Variants in TRAPPC12 observed in about 807,000 individuals in gnomAD.
The protein encoded by TRAPPC12 is TPR repeat protein 15.
Under a neutral mutation model 69.2 loss-of-function variants are expected in TRAPPC12, and 61 were observed. The ratio of observed to expected loss-of-function variants is 0.88; its 90% CI spans 0.72 to 1.09. The LOEUF (loss-of-function observed/expected upper bound fraction) is 1.09, where lower values mean the gene tolerates loss of function less well. Ranked by LOEUF, TRAPPC12 falls within the 50% of genes least tolerant of loss-of-function variation. The pLI, the probability that TRAPPC12 is intolerant of heterozygous loss-of-function variation, is 0.00. For missense variants in TRAPPC12, 1,101 were observed against 1,016.4 expected (o/e 1.08, Z -1.13); for synonymous variants, 469 against 438.9 (o/e 1.07, Z -0.86).
intron 2 of TRAPPC12, among the ~76,000 whole-genome samples, chr2:3,395,321 A>T (rs375856846): frequency 6.6e-6 from 1 of 152,278 alleles, no homozygotes; most frequent in East Asian, 1.9e-4. Context: ...CGTTTTCTCC[A>T]TCTTTCAAAC....
At position 3,465,582 on chromosome 2, in the gene TRAPPC12, T is replaced by A. The variant is rs1255406764; in HGVS notation, c.1678-15T>A. 6.2e-7 allele frequency: 1 copy of A among 1,604,486 alleles called. No homozygotes were observed. Among genetic ancestry groups the A allele is most frequent in the Non-Finnish European group, 8.5e-7 (1 of 1,171,444 alleles). On this transcript the variant is annotated splice_polypyrimidine_tract_variant and intron_variant, in intron 8 of 11. Coordinates refer to ENST00000324266, the MANE Select transcript of TRAPPC12 (RefSeq NM_016030.6). ...GTTCTCAGCTCTAAAGTACGTTGGGTTTTTCTTCCCACAGGATTATGTGCT... is the reference window on the plus strand; with the variant it reads ...GTTCTCAGCTCTAAAGTACGTTGGGATTTTCTTCCCACAGGATTATGTGCT...
intron 8 of TRAPPC12, among the ~76,000 whole-genome samples, chr2:3,465,067 G>T: frequency 6.6e-6 from 1 of 151,626 alleles, no homozygotes; most frequent in East Asian, 1.9e-4. Flanking sequence ...CACGCACTCT[G>T]CAAGGCCGAC....
Position 3,457,692 on chromosome 2 carries a change from A to G in TRAPPC12, c.1602A>G (p.Gln534=), listed in dbSNP as rs1388754830. The G allele has an allele frequency of 6.2e-7, 1 of 1,610,096 alleles. No homozygotes were observed. The highest frequency in any genetic ancestry group is 8.5e-7 in the Non-Finnish European group (1 of 1,179,934). ...GCAGCGTGACTCAGGAGGGCAGACA[A>G]GGTGGGTCGGCCGGACTTTGCTGAC... The part of the protein sequence containing the change: ...GMSSVTQEGR[Q]ASIRLWRSRL... Residue 534 remains glutamine, a splice_region_variant and synonymous_variant, in exon 7 of 12, where the codon CAA becomes CAG. Coordinates refer to ENST00000324266, the MANE Select transcript of TRAPPC12 (RefSeq NM_016030.6).
At chr2:3,382,403 G>A (rs186817449) in intron 1 of TRAPPC12, among the ~76,000 whole-genome samples, 3 of 152,162 alleles carry the variant, frequency 2.0e-5, no homozygotes, top group Non-Finnish European at 4.4e-5. Flanking sequence ...AAAGTGCTAG[G>A]ATTACAGATG....
intron 9 of TRAPPC12, among the ~76,000 whole-genome samples, chr2:3,468,784 G>A (rs77463888): frequency 4.2e-5 from 5 of 117,880 alleles, no homozygotes; most frequent in Non-Finnish European, 7.8e-5. Context: ...GCACGTATCC[G>A]GACACTCACA....
At chr2:3,470,762 G>C (rs1012325178) in intron 9 of TRAPPC12, among the ~76,000 whole-genome samples, 1 of 152,040 alleles carries the variant, frequency 6.6e-6, no homozygotes, top group Admixed American at 6.6e-5. Context: ...TAATCAAAAA[G>C]GAAGTATTTT....
At chr2:3,462,713 C>G (rs558490022) in intron 8 of TRAPPC12, 1 of 310,774 alleles carries the variant, frequency 3.2e-6, no homozygotes, top group East Asian at 9.1e-5. Context: ...TTAAATACTT[C>G]TTCCTCTCCT....
At chr2:3,383,523 C>T (rs1048795148) in intron 1 of TRAPPC12, among the ~76,000 whole-genome samples, 6 of 151,732 alleles carry the variant, frequency 4.0e-5, no homozygotes, top group East Asian at 3.9e-4. Flanking sequence ...CTCAGCCTCC[C>T]GAGTAGCAGA....
Position 3,424,628 on chromosome 2 carries a change from A to G in TRAPPC12, c.1382A>G (p.Tyr461Cys). The part of the protein sequence containing the change: ...FGNLDQPDLY[Y>C]EYYPHVYPGR... ...AATCTTGATCAGCCAGATCTTTATT[A>G]CGAGTACTACCCGCACGTGTACCCT... is the stretch of plus-strand genomic sequence containing the variant. Residue 461 changes from tyrosine (Y) to cysteine (C), a missense_variant, in exon 5 of 12, where the codon TAC becomes TGC. By Grantham distance (194) the Tyr-to-Cys change is radical. Coordinates refer to ENST00000324266, the MANE Select transcript of TRAPPC12 (RefSeq NM_016030.6). The G allele has an allele frequency of 6.2e-7, 1 of 1,613,936 alleles. No individual in the cohort carries two copies. Among genetic ancestry groups the G allele is most frequent in the Non-Finnish European group, 8.5e-7 (1 of 1,179,964 alleles).
chr2:3,420,459 G>A (rs1662713448), intron 3 of TRAPPC12, among the ~76,000 whole-genome samples: 1 of 152,192 alleles, frequency 6.6e-6, no homozygotes, highest in Admixed American at 6.5e-5. Context: ...CTGGCACTGT[G>A]CTCAGCACTT....
At chr2:3,410,584 T>C (rs1662002469) in intron 3 of TRAPPC12, among the ~76,000 whole-genome samples, 1 of 152,252 alleles carries the variant, frequency 6.6e-6, no homozygotes. Context: ...GGCGAGTATC[T>C]ATACATAGTG....
intron 6 of TRAPPC12, among the ~76,000 whole-genome samples, chr2:3,451,382 T>C (rs917351386): frequency 6.6e-6 from 1 of 152,226 alleles, no homozygotes; most frequent in Non-Finnish European, 1.5e-5. Flanking sequence ...TCTTCAGCCT[T>C]ACAGCTGTTC....
intron 9 of TRAPPC12, among the ~76,000 whole-genome samples, chr2:3,468,293 C>G (rs138685031): frequency 6.6e-6 from 1 of 152,114 alleles, no homozygotes; most frequent in Non-Finnish European, 1.5e-5. Flanking sequence ...TCCCTCTTCC[C>G]CAAGGCATCT....
At chr2:3,408,455 C>T (rs973552191) in intron 3 of TRAPPC12, among the ~76,000 whole-genome samples, 10 of 152,052 alleles carry the variant, frequency 6.6e-5, no homozygotes, top group Non-Finnish European at 1.2e-4. Context: ...GGCAAAACCC[C>T]GCCTCTACTA....
intron 5 of TRAPPC12, among the ~76,000 whole-genome samples, chr2:3,441,769 A>G (rs537785456): frequency 1.3e-5 from 2 of 151,248 alleles, no homozygotes; most frequent in Admixed American, 6.6e-5. Flanking sequence ...CTTTCCTTCT[A>G]GTTTTCAAAG....
At chr2:3,411,059 T>C (rs1460147045) in intron 3 of TRAPPC12, among the ~76,000 whole-genome samples, 1 of 152,110 alleles carries the variant, frequency 6.6e-6, no homozygotes, top group African/African-American at 2.4e-5. Flanking sequence ...AAAAAACAAA[T>C]TGAGTTCACT....
At chr2:3,454,832 G>A (rs541078323) in intron 6 of TRAPPC12, 4 of 152,392 alleles carry the variant, frequency 2.6e-5, no homozygotes, top group Non-Finnish European at 5.9e-5. Flanking sequence ...CTCAGGCCTT[G>A]CGTGCTCACT....
chr2:3,415,591 C>T (rs1448040129), intron 3 of TRAPPC12, among the ~76,000 whole-genome samples: 1 of 151,168 alleles, frequency 6.6e-6, no homozygotes, highest in Non-Finnish European at 1.5e-5. Flanking sequence ...TTTGGTGGAA[C>T]TGGAATTTCA....
At chr2:3,451,568 G>A (rs891277224) in intron 6 of TRAPPC12, among the ~76,000 whole-genome samples, 3 of 151,864 alleles carry the variant, frequency 2.0e-5, no homozygotes, top group South Asian at 4.2e-4. Context: ...CTGTCACCCA[G>A]ACTGGAGTAC....
Sources: allele counts gnomAD v4.1 joint callset (sites outside exome capture counted in the v4.1 genomes callset), GRCh38; gene constraint gnomAD v4.1.1; transcripts MANE v1.5; gene names NCBI Gene and HGNC (gene_info 2026-07-23, HGNC 2026-07-21).